The following NECAP1 variants were observed in gnomAD, a reference collection of about 807,000 sequenced individuals.
The protein encoded by NECAP1 is NECAP endocytosis associated 1.
NECAP1 carries 13 observed loss-of-function variants against 33.4 expected under a neutral mutation model. The observed-to-expected ratio is 0.39, with a 90% CI of 0.25 to 0.62. The LOEUF (loss-of-function observed/expected upper bound fraction) is 0.62. NECAP1 is among the 20% of genes least tolerant of loss of function. The pLI is 0.52. For missense variants in NECAP1, 272 were observed against 347.4 expected, an observed-to-expected ratio of 0.78 and a Z score of 1.73; for synonymous variants, 109 against 125.2, an observed-to-expected ratio of 0.87 and a Z score of 0.86.
At chr12:8,093,091 C>T (rs764629913) in intron 6 of NECAP1, 36 bp downstream of exon 6, 7 of 1,590,604 alleles carry the variant, frequency 4.4e-6, no homozygotes, top group East Asian at 2.2e-5. Flanking sequence ...GAAATCCAAT[C>T]TTATGTTTTA....
chr12:8,090,533 TA>T (rs1444703567), intron 3 of NECAP1: 1 of 476,386 alleles, frequency 2.1e-6, no homozygotes, highest in African/African-American at 1.9e-5. Flanking sequence ...GAAAAACACA[TA>T]TCTAACAAAT....
intron 1 of NECAP1, among the ~76,000 whole-genome samples, chr12:8,088,646 C>A (rs1947514194): frequency 6.6e-6 from 1 of 152,186 alleles, no homozygotes; most frequent in South Asian, 2.1e-4. Context: ...TAAGGGAGAT[C>A]ATGTCACACC....
At chr12:8,092,474 G>A in intron 4 of NECAP1, 1 of 531,288 alleles carries the variant, frequency 1.9e-6, no homozygotes, top group Non-Finnish European at 3.3e-6. Context: ...CGTATTCCGT[G>A]AGATTTCTCA....
intron 1 of NECAP1, among the ~76,000 whole-genome samples, chr12:8,085,946 C>T (rs1809154294): frequency 6.6e-6 from 1 of 152,084 alleles, no homozygotes; most frequent in South Asian, 2.1e-4. Context: ...CTCAGGCAAT[C>T]CACCCACCTC....
Position 8,095,695 on chromosome 12 carries a change from T to A in NECAP1, c.771T>A (p.Thr257=). 1 of 1,610,590 alleles carries A rather than the reference T, an allele frequency of 6.2e-7. No individual in the cohort carries two copies. The highest frequency in any genetic ancestry group is 8.5e-7 in the Non-Finnish European group (1 of 1,176,796). ...VSNDLWGDFS[T]ASSSVPNQAP... ...ATGACTTGTGGGGAGACTTCAGCACTGCCTCCAGGTAATGGGCATAGTGAA... is the reference window on the plus strand; with the variant it reads ...ATGACTTGTGGGGAGACTTCAGCACAGCCTCCAGGTAATGGGCATAGTGAA... Residue 257 remains threonine (T), a synonymous_variant, in exon 7 of 8, where the codon ACT becomes ACA. Transcript: ENST00000339754.
chr12:8,083,897 T>C (rs1947466083), intron 1 of NECAP1, among the ~76,000 whole-genome samples: 3 of 151,830 alleles, frequency 2.0e-5, no homozygotes, highest in Admixed American at 2.0e-4. Flanking sequence ...TGCCTCACAA[T>C]GCCTGGCTAA....
chr12:8,082,655 A>C, intron 1 of NECAP1: 2 of 426,830 alleles, frequency 4.7e-6, no homozygotes, highest in Non-Finnish European at 4.3e-6. Context: ...CCCCTGGGGC[A>C]CCCATCTGCT....
At chr12:8,085,708 T>C (rs1224963407) in intron 1 of NECAP1, among the ~76,000 whole-genome samples, 2 of 140,984 alleles carry the variant, frequency 1.4e-5, no homozygotes, top group East Asian at 2.0e-4. Flanking sequence ...TTTTTTTTTT[T>C]TTTTTTTGTT....
chr12:8,091,608 AC>A, intron 3 of NECAP1, 160 bp from the exon 4 acceptor site: 1 of 623,108 alleles, frequency 1.6e-6, no homozygotes, highest in Non-Finnish European at 2.9e-6. Flanking sequence ...CATGCAAGTG[AC>A]GGGGAGCGGC....
In NECAP1 at chr12:8,091,583, C is replaced by T. The variant is rs1045226590; in HGVS notation, c.302-186C>T. 2.7e-5 allele frequency: 16 copies of T among 591,540 alleles called. No individual in the cohort carries two copies. In the Admixed American group the frequency reaches 3.1e-4, roughly 11 times the overall value. The allele number at this position is 591,540 out of a possible 1,614,324, so 36.6% of individuals were successfully genotyped here. A position where few individuals can be genotyped will look rare whatever the true frequency, so the allele number is the denominator to read the frequency against. ...ATGCTGCCACTGATCTGACAGGAGG[C>T]GGAGCTCAGGTGGTCATGCAAGTGA... is the stretch of plus-strand genomic sequence containing the variant. On this transcript the variant is annotated intron_variant, in intron 3 of 7. Transcript: ENST00000339754.
intron 1 of NECAP1, among the ~76,000 whole-genome samples, chr12:8,083,204 G>A (rs1177136998): frequency 6.6e-6 from 1 of 151,984 alleles, no homozygotes; most frequent in African/African-American, 2.4e-5. Context: ...TTGAAAGACA[G>A]TTCACTGGGC....
intron 4 of NECAP1, chr12:8,092,425 T>C: frequency 2.5e-6 from 1 of 403,686 alleles, no homozygotes; most frequent in East Asian, 4.6e-5. Flanking sequence ...TGGGAATTGG[T>C]GGCTAAATAC....
At chr12:8,095,851 C>A in intron 7 of NECAP1, 148 bp downstream of exon 7, 1 of 1,083,820 alleles carries the variant, frequency 9.2e-7, no homozygotes, top group Non-Finnish European at 1.3e-6. Context: ...TATAGTAGTG[C>A]TGGGAATGGG....
At chr12:8,090,100 T>G in intron 2 of NECAP1, 64 bp downstream of exon 2, 1 of 1,579,748 alleles carries the variant, frequency 6.3e-7, no homozygotes, top group Non-Finnish European at 8.7e-7. Context: ...TATAAGTACC[T>G]TCAATTTGGG....
chr12:8,091,936 C>T, intron 4 of NECAP1, 86 bp downstream of exon 4: 1 of 1,175,030 alleles, frequency 8.5e-7, no homozygotes. Context: ...TCTTTTCCTC[C>T]TGGTTTCTTT....
intron 2 of NECAP1, 30 bp from the exon 3 acceptor site, chr12:8,090,165 A>T (rs1240003756): frequency 6.2e-7 from 1 of 1,611,816 alleles, no homozygotes; most frequent in African/African-American, 1.3e-5. Context: ...GGCTTGCTTT[A>T]CTCAAAAAAG....
chr12:8,085,771 A>G (rs1007603651), intron 1 of NECAP1, among the ~76,000 whole-genome samples: 3 of 132,816 alleles, frequency 2.3e-5, no homozygotes, highest in Admixed American at 9.0e-5. Context: ...TGGTGTGATC[A>G]TGGCTCACTG....
intron 4 of NECAP1, chr12:8,092,198 T>C (rs1197638648): frequency 3.1e-6 from 1 of 322,842 alleles, no homozygotes; most frequent in East Asian, 8.3e-5. Context: ...GCTGACATGT[T>C]TTGTGACTTT....
At position 8,092,711 on chromosome 12, in the gene NECAP1, C is replaced by T; in HGVS notation, c.419C>T (p.Ser140Phe). 6.2e-7 allele frequency: 1 copy of T among 1,613,780 alleles called. No individual in the cohort carries two copies. Reference sequence around the variant, plus strand: ...CAGGAATCTGAGATTTCCAAGGAATCTCAAGAAATGGATGCTCGTCCTAAG... The same window carrying T: ...CAGGAATCTGAGATTTCCAAGGAATTTCAAGAAATGGATGCTCGTCCTAAG... Reference protein sequence around the residue: ...VKQESEISKESQEMDARPKLD... With the variant: ...VKQESEISKEFQEMDARPKLD... Residue 140 changes from serine (S) to phenylalanine (F), a missense_variant, in exon 5 of 8, where the codon TCT (serine) becomes TTT (phenylalanine). By Grantham distance (155) the Ser-to-Phe change is radical (BLOSUM62 -2). Transcript: ENST00000339754.
Sources: gnomAD v4.1 joint callset for allele counts (sites outside exome capture counted in the v4.1 genomes callset) on GRCh38, gnomAD v4.1.1 for gene constraint, MANE v1.5 for transcripts, NCBI Gene and HGNC (gene_info 2026-07-23, HGNC 2026-07-21) for gene names.